Variants in PTGFRN observed in about 807,000 individuals in gnomAD.
PTGFRN encodes prostaglandin F2 receptor negative regulator.
In PTGFRN, 35 loss-of-function variants were observed where a neutral mutation model predicts 83.2. The ratio of observed to expected loss-of-function variants is 0.42; its 90% CI spans 0.32 to 0.56. The LOEUF is 0.56. Among genes scored for constraint, PTGFRN ranks in the 20% least tolerant of loss-of-function variants. The pLI is 0.11. For synonymous variants in PTGFRN, 519 were observed against 498.6 expected (o/e 1.04, Z -0.55); for missense variants, 1,051 against 1,179.5 (o/e 0.89, Z 1.60).
In PTGFRN at chr1:116,919,417, A is replaced by T. The variant is rs55861949; in HGVS notation, c.49+9165A>T. ...GCTTTTCTTTTCTTTTCTTTTTTTT[A>T]AAGAGAGGGGGTCTCTGTCACCCAG... On this transcript the variant is annotated intron_variant, in intron 1 of 8. Coordinates refer to ENST00000393203, the MANE Select transcript of PTGFRN (RefSeq NM_020440.4). Among the ~76,000 whole-genome samples the T allele has an allele frequency of 4.5e-3, 690 of 151,882 alleles. 5 individuals carry two copies. Among genetic ancestry groups the T allele is most frequent in the African/African-American group, 0.016 (661 of 41,378 alleles).
At chr1:116,985,527 T>G (rs563313272) in intron 8 of PTGFRN, among the ~76,000 whole-genome samples, 3 of 151,664 alleles carry the variant, frequency 2.0e-5, no homozygotes, top group Non-Finnish European at 4.4e-5. Flanking sequence ...TGAAACCCCG[T>G]CTCTACTAAA....
chr1:116,968,059 T>C (rs530727250), intron 6 of PTGFRN, among the ~76,000 whole-genome samples: 1 of 152,326 alleles, frequency 6.6e-6, no homozygotes, highest in South Asian at 2.1e-4. Flanking sequence ...AAGTGGAAGA[T>C]CTTTAACATC....
intron 1 of PTGFRN, among the ~76,000 whole-genome samples, chr1:116,922,507 C>T (rs899858207): frequency 9.9e-5 from 15 of 152,158 alleles, no homozygotes; most frequent in South Asian, 4.1e-4. Flanking sequence ...TAGTGTCATA[C>T]GTGGCTCATA....
intron 4 of PTGFRN, among the ~76,000 whole-genome samples, chr1:116,954,843 T>G (rs1650443954): frequency 6.6e-6 from 1 of 152,244 alleles, no homozygotes; most frequent in South Asian, 2.1e-4. Context: ...AGTACCAATC[T>G]TACAAGGTTG....
In PTGFRN at chr1:116,923,073, C is replaced by T. The variant is rs955372377; in HGVS notation, c.49+12821C>T. On this transcript the variant is annotated intron_variant, in intron 1 of 8. Coordinates refer to ENST00000393203, the MANE Select transcript of PTGFRN (RefSeq NM_020440.4). The surrounding 1 kb of genome is among the most constrained non-coding windows in gnomAD (Gnocchi z 4.0). The stretch of plus-strand genomic sequence containing the variant: ...CCACCTTCCTTGAGAGCACAGCCAT[C>T]GGTTTGTGATGATCTGTTTATTAGG... Among the ~76,000 whole-genome samples the T allele has an allele frequency of 2.6e-5, 4 of 152,114 alleles. No homozygotes were observed. The highest frequency in any genetic ancestry group is 5.9e-5 in the Non-Finnish European group (4 of 68,022).
chr1:116,927,525 C>CTTT (rs1171564821), intron 1 of PTGFRN, among the ~76,000 whole-genome samples: 3 of 124,414 alleles, frequency 2.4e-5, no homozygotes, highest in African/African-American at 3.9e-5. Flanking sequence ...CCTTGCTTAC[C>CTTT]TTTTTTTTTT....
Position 116,986,934 on chromosome 1 carries a change from G to A in PTGFRN, c.2607G>A (p.Glu869=), listed in dbSNP as rs751615251. The change falls in exon 9 of 9, where the codon GAG becomes GAA. Residue 869 remains glutamate (E), a synonymous_variant. Transcript: ENST00000393203. ...CKKEVQETRR[E]RRRLMSMEMD ...AGGAGGTTCAGGAGACACGGCGCGA[G>A]CGCCGCAGGCTCATGTCGATGGAGA... 11 of 1,614,256 alleles carry A rather than the reference G, an allele frequency of 6.8e-6. No individual in the cohort carries two copies. Among genetic ancestry groups the A allele is most frequent in the Non-Finnish European group, 7.6e-6 (9 of 1,180,044 alleles).
At chr1:116,917,225 G>A (rs1466803863) in intron 1 of PTGFRN, among the ~76,000 whole-genome samples, 1 of 152,166 alleles carries the variant, frequency 6.6e-6, no homozygotes, top group East Asian at 1.9e-4. Flanking sequence ...AGTCAGAAAC[G>A]ATCGCCCACC....
chr1:116,910,617 C>T (rs1570638971), intron 1 of PTGFRN, among the ~76,000 whole-genome samples: 1 of 152,008 alleles, frequency 6.6e-6, no homozygotes, highest in Non-Finnish European at 1.5e-5. Context: ...GTGCTGCGGT[C>T]CCGGCCCGGG....
intron 3 of PTGFRN, among the ~76,000 whole-genome samples, chr1:116,946,417 G>GT (rs1233156059): frequency 6.6e-6 from 1 of 152,134 alleles, no homozygotes; most frequent in African/African-American, 2.4e-5. Context: ...ATGGACTTAG[G>GT]TTACCTTCCT....
intron 7 of PTGFRN, 103 bp from the exon 8 acceptor site, chr1:116,984,577 T>C (rs1570682877): frequency 2.7e-6 from 3 of 1,098,008 alleles, no homozygotes; most frequent in East Asian, 4.8e-5. Flanking sequence ...GCATGTAGTG[T>C]TGTGCTTGCC....
Position 116,961,813 on chromosome 1 carries a change from C to A in PTGFRN, c.1639+145C>A. ...ACATTGATCGCCATGCGACCCGTTG[C>A]ACATGCTCTTTGGACTCACTATCAC... On this transcript the variant is annotated intron_variant, in intron 5 of 8. Transcript: ENST00000393203. This position sits in a 1 kb window ranked among gnomAD's most constrained non-coding sequence, Gnocchi z 5.4. 2.4e-6 allele frequency: 2 copies of A among 827,800 alleles called. No homozygotes were observed. The highest frequency in any genetic ancestry group is 1.7e-5 in the African/African-American group (1 of 58,138). The allele number at this position is 827,800 out of a possible 1,614,324, so 51.3% of individuals were successfully genotyped here.
chr1:116,910,282 A>G, intron 1 of PTGFRN, 30 bp downstream of exon 1: 1 of 1,390,890 alleles, frequency 7.2e-7, no homozygotes, highest in South Asian at 1.6e-5. Context: ...AGCGGGGCAC[A>G]CGGGGACTGG....
At chr1:116,979,812 C>T (rs1386772976) in intron 7 of PTGFRN, among the ~76,000 whole-genome samples, 1 of 151,056 alleles carries the variant, frequency 6.6e-6, no homozygotes, top group Non-Finnish European at 1.5e-5. Flanking sequence ...TAGGCATGGG[C>T]TAGGACTTCA....
Position 116,967,311 on chromosome 1 carries a change from G to A in PTGFRN, c.2040G>A (p.Glu680=), listed in dbSNP as rs148576999. ...EAATSLSNPI[E]IDFQTSGPIF... ...CAACCAGTCTCTCCAATCCTATTGA[G>A]ATAGACTTCCAAACCTCAGGTGAGC... Residue 680 remains glutamate (E), a synonymous_variant, in exon 6 of 9, where the codon GAG becomes GAA. Transcript: ENST00000393203. 6.6e-5 allele frequency: 107 copies of A among 1,611,288 alleles called. No individual in the cohort carries two copies. In the African/African-American group the frequency reaches 1.3e-3, roughly 19 times the overall value.
intron 1 of PTGFRN, among the ~76,000 whole-genome samples, chr1:116,913,547 C>CTGGGTGCTGCCA (rs1649325695): frequency 6.6e-6 from 1 of 152,118 alleles, no homozygotes; most frequent in Non-Finnish European, 1.5e-5. Context: ...TGTTGGTGCT[C>CTGGGTGCTGCCA]TGGGTGCTGC....
rs576527068 is a variant in PTGFRN at position 116,923,311 on chromosome 1, T to C, written c.49+13059T>C. On this transcript the variant is annotated intron_variant, in intron 1 of 8. Transcript: ENST00000393203. This position sits in a 1 kb window ranked among gnomAD's most constrained non-coding sequence, Gnocchi z 4.0. ...GCAGAAGATATCTATGTGTCCTTTTTACTATCTTTCTTATGTGTGCTTATT... is the reference window on the plus strand; with the variant it reads ...GCAGAAGATATCTATGTGTCCTTTTCACTATCTTTCTTATGTGTGCTTATT... Among the ~76,000 whole-genome samples the C allele has an allele frequency of 6.6e-6, 1 of 152,262 alleles. No homozygotes were observed.
chr1:116,959,615 T>C (rs903297753), intron 4 of PTGFRN, among the ~76,000 whole-genome samples: 2 of 152,122 alleles, frequency 1.3e-5, no homozygotes, highest in African/African-American at 4.8e-5. Context: ...TGTTGATAAA[T>C]GGAGAGTTCT....
intron 8 of PTGFRN, among the ~76,000 whole-genome samples, chr1:116,985,554 AC>A (rs1326380080): frequency 4.0e-5 from 6 of 151,634 alleles, no homozygotes; most frequent in East Asian, 3.9e-4. Context: ...AAAAAGAAAA[AC>A]AAAATTAGCC....
Sources: allele counts gnomAD v4.1 joint callset (sites outside exome capture counted in the v4.1 genomes callset), GRCh38; gene constraint gnomAD v4.1.1; non-coding constraint Gnocchi (gnomAD v3.1); transcripts MANE v1.5; gene names NCBI Gene and HGNC (gene_info 2026-07-23, HGNC 2026-07-21).